LPGAT1: variants seen among roughly 807,000 people sequenced by gnomAD.
LPGAT1 encodes lysophosphatidylglycerol acyltransferase 1, also known as acyl-CoA:lysophosphatidylglycerol acyltransferase 1.
Under a neutral mutation model 47.5 loss-of-function variants are expected in LPGAT1, and 11 were observed. The ratio of observed to expected loss-of-function variants is 0.23; its 90% CI spans 0.15 to 0.38. LPGAT1 has a LOEUF of 0.38. Ranked by LOEUF, LPGAT1 falls within the 10% of genes least tolerant of loss-of-function variation. The pLI is 1.00. For synonymous variants in LPGAT1, 138 were observed against 144.2 expected, an observed-to-expected ratio of 0.96 and a Z score of 0.31; for missense variants, 293 against 439.0, an observed-to-expected ratio of 0.67 and a Z score of 2.97.
At chr1:211,772,639 T>C (rs72746521) in intron 6 of LPGAT1, among the ~76,000 whole-genome samples, 12,721 of 152,258 alleles carry the variant, frequency 0.084, 654 homozygotes, top group Admixed American at 0.15. Context: ...AATAACATTA[T>C]ATGATGCCTG....
At chr1:211,758,008 T>C (rs1571695928) in intron 6 of LPGAT1, among the ~76,000 whole-genome samples, 2 of 152,240 alleles carry the variant, frequency 1.3e-5, no homozygotes, top group Non-Finnish European at 2.9e-5. Flanking sequence ...CAGGCAAACA[T>C]GTTTCCATGG....
chr1:211,792,001 T>G (rs1392711350), intron 3 of LPGAT1: 3 of 151,584 alleles, frequency 2.0e-5, no homozygotes, highest in Non-Finnish European at 4.4e-5. Flanking sequence ...CCTCTTTAAC[T>G]TCTAAGGTGA....
intron 3 of LPGAT1, among the ~76,000 whole-genome samples, chr1:211,791,190 CAT>C (rs1407439570): frequency 6.6e-6 from 1 of 152,240 alleles, no homozygotes; most frequent in Non-Finnish European, 1.5e-5. Flanking sequence ...AATAATAAAA[CAT>C]ATTTTTATTT....
At chr1:211,779,185 T>A (rs1658533374) in intron 5 of LPGAT1, 141 bp from the exon 6 acceptor site, 1 of 552,530 alleles carries the variant, frequency 1.8e-6, no homozygotes, top group Admixed American at 3.6e-5. Flanking sequence ...ACTTTGGTGC[T>A]CCTGTTCTAT....
At chr1:211,782,275 G>C (rs1658673558) in intron 5 of LPGAT1, among the ~76,000 whole-genome samples, 2 of 151,960 alleles carry the variant, frequency 1.3e-5, no homozygotes, top group Non-Finnish European at 2.9e-5. Context: ...CAATTTTTTG[G>C]CTATTATAAA....
chr1:211,785,005 G>A lies in LPGAT1; in HGVS notation c.454-1503C>T, dbSNP rs368237990. On this transcript the variant is annotated intron_variant, in intron 4 of 7. Coordinates refer to ENST00000366997, the MANE Select transcript of LPGAT1 (RefSeq NM_014873.3). The stretch of plus-strand genomic sequence containing the variant: ...TTTTTAGTAGAGATGGGATTTCACC[G>A]TGTTAGCCAGGATGGTCTCGATCTC... Among the ~76,000 whole-genome samples, 80 of 152,014 alleles carry A rather than the reference G, an allele frequency of 5.3e-4. 1 individual carries two copies. The highest frequency in any genetic ancestry group is 4.4e-3 in the South Asian group (21 of 4,820).
chr1:211,801,767 G>GGAAAAGAAAAGAAGAGAAGA (rs1659583149), intron 2 of LPGAT1, among the ~76,000 whole-genome samples: 1 of 150,176 alleles, frequency 6.7e-6, no homozygotes, highest in Non-Finnish European at 1.5e-5. Context: ...AGAAAAGAAG[G>GGAAAAGAAAAGAAGAGAAGA]GAAAAGAAAA....
intron 6 of LPGAT1, among the ~76,000 whole-genome samples, chr1:211,755,269 T>C (rs188957536): frequency 6.6e-5 from 10 of 151,218 alleles, no homozygotes; most frequent in African/African-American, 2.4e-4. Flanking sequence ...ATCTAGGAGG[T>C]GGACGTTGCA....
At chr1:211,782,429 T>C (rs1310771940) in intron 5 of LPGAT1, among the ~76,000 whole-genome samples, 1 of 152,200 alleles carries the variant, frequency 6.6e-6, no homozygotes. Context: ...ATTAAATTAG[T>C]TCTCTGCATT....
intron 2 of LPGAT1, among the ~76,000 whole-genome samples, chr1:211,817,451 G>A (rs1447031067): frequency 1.3e-5 from 2 of 151,788 alleles, no homozygotes; most frequent in Non-Finnish European, 2.9e-5. Context: ...GGCGCCTGTA[G>A]TCCCAGCTAC....
chr1:211,780,597 T>G (rs1020551299), intron 5 of LPGAT1, among the ~76,000 whole-genome samples: 14 of 152,196 alleles, frequency 9.2e-5, no homozygotes, highest in Non-Finnish European at 1.8e-4. Flanking sequence ...TCTGTAAAGA[T>G]TTTAGAATAA....
intron 6 of LPGAT1, among the ~76,000 whole-genome samples, chr1:211,753,066 T>C (rs866547977): frequency 1.3e-5 from 2 of 152,220 alleles, no homozygotes; most frequent in South Asian, 2.1e-4. Flanking sequence ...GCAATCCCCT[T>C]GCATCAGACA....
intron 2 of LPGAT1, among the ~76,000 whole-genome samples, chr1:211,797,728 T>G (rs538343491): frequency 1.3e-3 from 199 of 152,244 alleles, no homozygotes; most frequent in Non-Finnish European, 2.6e-3. Flanking sequence ...AGAAAAGAAA[T>G]TATGGATGTC....
At chr1:211,821,865 GAA>G (rs931315580) in intron 2 of LPGAT1, among the ~76,000 whole-genome samples, 1 of 152,042 alleles carries the variant, frequency 6.6e-6, no homozygotes, top group African/African-American at 2.4e-5. Context: ...ACTACACAGT[GAA>G]AGACTTAACA....
intron 2 of LPGAT1, among the ~76,000 whole-genome samples, chr1:211,812,337 T>A (rs1001165460): frequency 1.8e-4 from 27 of 152,278 alleles, no homozygotes; most frequent in Non-Finnish European, 3.2e-4. Context: ...GAAAAAAACA[T>A]CATTTTGAAA....
At position 211,785,859 on chromosome 1, in the gene LPGAT1, G is replaced by A. The variant is rs1017601440; in HGVS notation, c.453+1773C>T. Among the ~76,000 whole-genome samples the A allele has an allele frequency of 9.9e-5, 15 of 151,900 alleles. 1 individual carries two copies. The highest frequency in any genetic ancestry group is 3.2e-3 in the Middle Eastern group (1 of 316). On this transcript the variant is annotated intron_variant, in intron 4 of 7. Transcript: ENST00000366997. The stretch of plus-strand genomic sequence containing the variant: ...TGGCCTCAAGCAATCTGTCCACCTC[G>A]GCCTCCCAAAGTGCTGGGATTACAG...
At chr1:211,778,836 T>C (rs1023719577) in intron 6 of LPGAT1, 82 bp downstream of exon 6, 2 of 1,182,294 alleles carry the variant, frequency 1.7e-6, no homozygotes, top group African/African-American at 1.6e-5. Flanking sequence ...ACTGTGTGAT[T>C]AAAAACTAAA....
Position 211,752,533 on chromosome 1 carries a change from T to A in LPGAT1, c.855-1466A>T, listed in dbSNP as rs1388627185. ...CCTCCTGCCCTTCTAATCTCTGACC[T>A]TTGTTAGAGATTAACTACCTCCTTT... On this transcript the variant is annotated intron_variant, in intron 6 of 7. Transcript: ENST00000366997. 4.6e-5 allele frequency among the ~76,000 whole-genome samples: 7 copies of A among 152,198 alleles called. 1 individual carries two copies. Among genetic ancestry groups the A allele is most frequent in the Admixed American group, 4.6e-4 (7 of 15,280 alleles).
intron 6 of LPGAT1, among the ~76,000 whole-genome samples, chr1:211,759,496 T>G (rs1657601542): frequency 6.6e-6 from 1 of 152,218 alleles, no homozygotes; most frequent in African/African-American, 2.4e-5. Flanking sequence ...GTATTGCTAT[T>G]TCTACCATAT....
Sources: allele counts gnomAD v4.1 joint callset (sites outside exome capture counted in the v4.1 genomes callset), GRCh38; gene constraint gnomAD v4.1.1; transcripts MANE v1.5; gene names NCBI Gene and HGNC (gene_info 2026-07-23, HGNC 2026-07-21).